ABLIM1: variants seen among roughly 807,000 people sequenced by gnomAD.
ABLIM1 encodes actin binding LIM protein 1.
A neutral mutation model predicts 107.0 loss-of-function variants in ABLIM1; 40 were observed. The observed-to-expected ratio is 0.37, with a 90% CI of 0.29 to 0.49. The LOEUF is 0.49. ABLIM1 is among the 20% of genes least tolerant of loss of function. ABLIM1 has a pLI of 0.97. For missense variants in ABLIM1, 857 were observed against 1,008.5 expected (o/e 0.85, Z 2.04); for synonymous variants, 357 against 357.3 (o/e 1.00, Z 0.01).
At chr10:114,634,906 C>T (rs2078403082) in intron 1 of ABLIM1, among the ~76,000 whole-genome samples, 1 of 152,164 alleles carries the variant, frequency 6.6e-6, no homozygotes, top group Admixed American at 6.5e-5. Flanking sequence ...ATTGTTTTTG[C>T]CTCTTTGCCT....
chr10:114,763,774 T>C (rs1454520563), intron 1 of ABLIM1, among the ~76,000 whole-genome samples: 3 of 152,232 alleles, frequency 2.0e-5, no homozygotes, highest in Non-Finnish European at 4.4e-5. Context: ...AAATAAGCTC[T>C]AATTCAATGG....
chr10:114,628,397 G>A (rs747205390), intron 1 of ABLIM1, among the ~76,000 whole-genome samples: 1 of 152,218 alleles, frequency 6.6e-6, no homozygotes, highest in Non-Finnish European at 1.5e-5. Context: ...ACAGAATCAC[G>A]AAGAATTATC....
chr10:114,526,812 T>G (rs948871105), intron 6 of ABLIM1: 1 of 985,356 alleles, frequency 1.0e-6, no homozygotes, highest in Non-Finnish European at 1.2e-6. Context: ...CTGGGTTACA[T>G]ATCAGGCTTC....
chr10:114,733,721 GC>G (rs1168732530), intron 1 of ABLIM1, among the ~76,000 whole-genome samples: 21 of 152,272 alleles, frequency 1.4e-4, no homozygotes, highest in African/African-American at 4.6e-4. Context: ...AGGTACATCT[GC>G]CAGATACCAC....
At chr10:114,472,351 C>T (rs994955310) in intron 10 of ABLIM1, among the ~76,000 whole-genome samples, 2 of 151,952 alleles carry the variant, frequency 1.3e-5, no homozygotes, top group Admixed American at 1.3e-4. Flanking sequence ...CTCAGCCTCC[C>T]AAAATGTTGG....
At chr10:114,647,883 AT>A (rs2079074067) in intron 1 of ABLIM1, among the ~76,000 whole-genome samples, 1 of 152,208 alleles carries the variant, frequency 6.6e-6, no homozygotes, top group Non-Finnish European at 1.5e-5. Context: ...CAGCTAAATG[AT>A]TTCTCAAAGT....
chr10:114,747,355 C>T (rs1462755016), intron 1 of ABLIM1, among the ~76,000 whole-genome samples: 7 of 152,172 alleles, frequency 4.6e-5, no homozygotes, highest in Admixed American at 2.0e-4. Context: ...GAGAGCCAGG[C>T]AGCCATGGCC....
At chr10:114,684,738 G>C (rs1357582462) in exon 1 of ABLIM1, 2 of 1,015,258 alleles carry the variant, frequency 2.0e-6, no homozygotes, top group African/African-American at 3.4e-5. Flanking sequence ...CCTGCATTCT[G>C]CACAATCCAG....
chr10:114,582,064 A>AT (rs2073448725), intron 2 of ABLIM1, among the ~76,000 whole-genome samples: 1 of 152,200 alleles, frequency 6.6e-6, no homozygotes, highest in African/African-American at 2.4e-5. Flanking sequence ...TAGGAAAAAA[A>AT]GTCGTCAAAC....
upstream of ABLIM1, among the ~76,000 whole-genome samples, chr10:114,661,613 G>A (rs2079799059): frequency 6.6e-6 from 1 of 152,224 alleles, no homozygotes. Flanking sequence ...AAGGAGTGCA[G>A]TGGGTTTTGT....
intron 1 of ABLIM1, among the ~76,000 whole-genome samples, chr10:114,740,336 C>T (rs1336134028): frequency 6.6e-6 from 1 of 152,102 alleles, no homozygotes; most frequent in Non-Finnish European, 1.5e-5. Flanking sequence ...CGCACTAACA[C>T]AAATGGACAG....
intron 1 of ABLIM1, among the ~76,000 whole-genome samples, chr10:114,700,837 G>A (rs1294541320): frequency 6.6e-6 from 1 of 152,016 alleles, no homozygotes; most frequent in African/African-American, 2.4e-5. Flanking sequence ...CTCTAATAGT[G>A]TCATAAAAAT....
intron 12 of ABLIM1, among the ~76,000 whole-genome samples, chr10:114,461,319 A>G (rs990759849): frequency 6.6e-6 from 1 of 151,704 alleles, no homozygotes; most frequent in Non-Finnish European, 1.5e-5. Flanking sequence ...TGCCCACCTC[A>G]GCAGAAATAA....
At chr10:114,735,679 A>G (rs2082164718) in intron 1 of ABLIM1, among the ~76,000 whole-genome samples, 1 of 152,248 alleles carries the variant, frequency 6.6e-6, no homozygotes, top group African/African-American at 2.4e-5. Flanking sequence ...CATGTTGGTC[A>G]GGATGGTCTC....
intron 8 of ABLIM1, among the ~76,000 whole-genome samples, chr10:114,477,740 C>T (rs1180848154): frequency 6.6e-6 from 1 of 151,714 alleles, no homozygotes; most frequent in Non-Finnish European, 1.5e-5. Context: ...CCTTCCTTCT[C>T]TGAGACAGAG....
At chr10:114,751,612 T>C (rs910692473) in intron 1 of ABLIM1, among the ~76,000 whole-genome samples, 21 of 151,962 alleles carry the variant, frequency 1.4e-4, no homozygotes, top group African/African-American at 5.1e-4. Flanking sequence ...TAGCTGGGCA[T>C]GGTGGCGCAC....
At chr10:114,571,076 T>C (rs1430332499) in intron 4 of ABLIM1, among the ~76,000 whole-genome samples, 1 of 152,218 alleles carries the variant, frequency 6.6e-6, no homozygotes, top group African/African-American at 2.4e-5. Context: ...AGTTGGTATC[T>C]TATGGTTGTT....
In ABLIM1 at chr10:114,441,094, C is replaced by G. The variant is rs1484626795; in HGVS notation, c.1999-17G>C. The G allele has an allele frequency of 1.3e-6, 2 of 1,567,452 alleles. No homozygotes were observed. Among genetic ancestry groups the G allele is most frequent in the Non-Finnish European group, 1.7e-6 (2 of 1,154,350 alleles). On this transcript the variant is annotated splice_polypyrimidine_tract_variant and intron_variant, in intron 18 of 22. Transcript: ENST00000533213. ...AGAAACAGGCTGAAATGAGGAAAAA[C>G]AATTATTAGGAAATCTCCATAGTGA... is the stretch of plus-strand genomic sequence containing the variant.
chr10:114,437,603 G>A (rs2059605841), intron 22 of ABLIM1, among the ~76,000 whole-genome samples: 1 of 151,914 alleles, frequency 6.6e-6, no homozygotes, highest in African/African-American at 2.4e-5. Flanking sequence ...ATGGGCGTGA[G>A]CCACCATGCC....
Sources: allele counts gnomAD v4.1 joint callset (sites outside exome capture counted in the v4.1 genomes callset), GRCh38; gene constraint gnomAD v4.1.1; transcripts MANE v1.5; gene names NCBI Gene and HGNC (gene_info 2026-07-23, HGNC 2026-07-21).